SEMA3A: variants seen among roughly 807,000 people sequenced by gnomAD.
SEMA3A encodes the protein semaphorin 3A.
SEMA3A carries 29 observed loss-of-function variants against 97.9 expected under a neutral mutation model. The ratio of observed to expected loss-of-function variants is 0.30; its 90% CI spans 0.22 to 0.40. The LOEUF is 0.40. SEMA3A is among the 10% of genes least tolerant of loss of function. The pLI, the probability that SEMA3A is intolerant of heterozygous loss-of-function variation, is 1.00. For synonymous variants in SEMA3A, 321 were observed against 323.7 expected, an observed-to-expected ratio of 0.99 and a Z score of 0.09; for missense variants, 763 against 951.3, an observed-to-expected ratio of 0.80 and a Z score of 2.60.
intron 5 of SEMA3A, among the ~76,000 whole-genome samples, chr7:84,056,626 C>T (rs1375022387): frequency 6.6e-6 from 1 of 151,808 alleles, no homozygotes; most frequent in Non-Finnish European, 1.5e-5. Context: ...CACAGAAACA[C>T]ACACACACAC....
At chr7:84,062,170 T>C (rs1045600595) in intron 4 of SEMA3A, among the ~76,000 whole-genome samples, 2 of 152,208 alleles carry the variant, frequency 1.3e-5, no homozygotes, top group Non-Finnish European at 2.9e-5. Flanking sequence ...AGCAAAATAA[T>C]ATGGAAATTA....
At chr7:84,286,432 T>G (rs945406015) in intron 3 of SEMA3A, among the ~76,000 whole-genome samples, 2 of 152,196 alleles carry the variant, frequency 1.3e-5, no homozygotes, top group Non-Finnish European at 2.9e-5. Context: ...CAATGTTGTA[T>G]CTAAAATAGT....
In SEMA3A at chr7:84,267,412, C is replaced by T. The variant is rs553142519; in HGVS notation, c.-83+39795G>A. Reference sequence around the variant, plus strand: ...TAAAACATGTTAAAAATTCCCAGAACGTATTACTTTTGCCTGACAATAAGT... The same window carrying T: ...TAAAACATGTTAAAAATTCCCAGAATGTATTACTTTTGCCTGACAATAAGT... On this transcript the variant is annotated intron_variant, in intron 3 of 3. Coordinates refer to the SEMA3A transcript ENST00000424555. 3.3e-5 allele frequency among the ~76,000 whole-genome samples: 5 copies of T among 152,116 alleles called. No homozygotes were observed. The South Asian group carries it at 1.0e-3, about 32-fold the overall frequency.
At chr7:83,972,907 A>G (rs71557198) in intron 15 of SEMA3A, among the ~76,000 whole-genome samples, 24,507 of 152,096 alleles carry the variant, frequency 0.16, 2,247 homozygotes, top group Non-Finnish European at 0.21. Flanking sequence ...CATGATGACT[A>G]TCTCCAGTGA....
At chr7:84,108,507 C>T (rs999116360) in intron 4 of SEMA3A, among the ~76,000 whole-genome samples, 3 of 152,054 alleles carry the variant, frequency 2.0e-5, no homozygotes, top group Non-Finnish European at 2.9e-5. Context: ...GTCTGAGAGA[C>T]GTTAAATAAT....
At chr7:84,424,612 A>ATT (rs1554383750) in intron 1 of SEMA3A, among the ~76,000 whole-genome samples, 9 of 29,612 alleles carry the variant, frequency 3.0e-4, no homozygotes, top group Non-Finnish European at 4.8e-4. Flanking sequence ...ATTAATATAT[A>ATT]ATATAATATA....
intron 2 of SEMA3A, among the ~76,000 whole-genome samples, chr7:84,310,388 C>T (rs1045069619): frequency 6.6e-6 from 1 of 151,498 alleles, no homozygotes; most frequent in Non-Finnish European, 1.5e-5. Context: ...TTTATTCACA[C>T]CATATAATTT....
intron 2 of SEMA3A, among the ~76,000 whole-genome samples, chr7:84,345,448 T>A (rs1016792390): frequency 6.6e-6 from 1 of 152,172 alleles, no homozygotes; most frequent in Non-Finnish European, 1.5e-5. Context: ...AATTTCTCTG[T>A]ACCATGCAAA....
chr7:84,424,576 AT>A (rs1562942629), intron 1 of SEMA3A, among the ~76,000 whole-genome samples: 2 of 73,584 alleles, frequency 2.7e-5, no homozygotes, highest in Non-Finnish European at 4.1e-5. Flanking sequence ...ATAAATATTA[AT>A]ATATATTATA....
At chr7:84,028,750 G>A (rs752507589) in intron 6 of SEMA3A, among the ~76,000 whole-genome samples, 14 of 152,150 alleles carry the variant, frequency 9.2e-5, no homozygotes, top group African/African-American at 1.4e-4. Context: ...GACTACAGGC[G>A]TGTGCCACCA....
intron 1 of SEMA3A, among the ~76,000 whole-genome samples, chr7:84,398,994 T>C (rs1189464104): frequency 6.6e-6 from 1 of 151,842 alleles, no homozygotes; most frequent in Non-Finnish European, 1.5e-5. Flanking sequence ...GAGAACAGAG[T>C]ACCTGGTCTT....
intron 1 of SEMA3A, among the ~76,000 whole-genome samples, chr7:84,192,856 G>C (rs1327577411): frequency 6.6e-6 from 1 of 151,832 alleles, no homozygotes; most frequent in African/African-American, 2.4e-5. Context: ...TCACATCTTT[G>C]AGAACTAAAG....
At chr7:84,343,514 A>G (rs893155997) in intron 2 of SEMA3A, among the ~76,000 whole-genome samples, 2 of 152,224 alleles carry the variant, frequency 1.3e-5, no homozygotes, top group African/African-American at 4.8e-5. Context: ...GCCAGTTTCT[A>G]AAACTAAATA....
intron 4 of SEMA3A, among the ~76,000 whole-genome samples, chr7:84,070,612 T>C (rs2115750885): frequency 6.6e-6 from 1 of 152,298 alleles, no homozygotes; most frequent in East Asian, 1.9e-4. Context: ...AACTAATAGT[T>C]GGACGGTATT....
At chr7:84,133,576 C>A (rs572290347) in intron 2 of SEMA3A, among the ~76,000 whole-genome samples, 43 of 152,106 alleles carry the variant, frequency 2.8e-4, no homozygotes, top group African/African-American at 1.0e-3. Context: ...GGGATGTATT[C>A]CAAAATGAAA....
rs372534143 is a variant in SEMA3A at position 84,001,956 on chromosome 7, C to T, written c.1451G>A (p.Arg484Gln). Reference protein sequence around the residue: ...EVLLEEMTVFREPTAISAMEL... With the variant: ...EVLLEEMTVFQEPTAISAMEL... ...CACTTGAAATTAAGCAGCACTCACCCGAAAAACTGTCATTTCTTCCAGCAG... is the reference window on the plus strand; with the variant it reads ...CACTTGAAATTAAGCAGCACTCACCTGAAAAACTGTCATTTCTTCCAGCAG... Residue 484 changes from arginine (R) to glutamine (Q), a missense_variant and splice_region_variant, in exon 12 of 17, where the codon CGG (arginine) becomes CAG (glutamine). Arg to Gln is a conservative substitution (Grantham distance 43). Coordinates refer to ENST00000265362, the MANE Select transcript of SEMA3A (RefSeq NM_006080.3). 20 of 1,607,948 alleles carry T rather than the reference C, an allele frequency of 1.2e-5. No individual in the cohort carries two copies. The highest frequency in any genetic ancestry group is 8.0e-5 in the African/African-American group (6 of 74,832).
chr7:84,483,278 A>T (rs1806491816), intron 1 of SEMA3A, among the ~76,000 whole-genome samples: 1 of 152,180 alleles, frequency 6.6e-6, no homozygotes, highest in Non-Finnish European at 1.5e-5. Flanking sequence ...TAAAAATTAG[A>T]ATGTCAACCA....
intron 1 of SEMA3A, among the ~76,000 whole-genome samples, chr7:84,398,804 T>C (rs948007530): frequency 6.6e-6 from 1 of 151,738 alleles, no homozygotes; most frequent in Admixed American, 6.6e-5. Flanking sequence ...TGAGACTGTT[T>C]CTTAAAAAAA....
At chr7:84,404,694 T>G (rs890112236) in intron 1 of SEMA3A, among the ~76,000 whole-genome samples, 1 of 152,206 alleles carries the variant, frequency 6.6e-6, no homozygotes, top group African/African-American at 2.4e-5. Flanking sequence ...ACAGCTGATC[T>G]CTTGGCAGAA....
Sources: gnomAD v4.1 joint callset for allele counts (sites outside exome capture counted in the v4.1 genomes callset) on GRCh38, gnomAD v4.1.1 for gene constraint, MANE v1.5 for transcripts, NCBI Gene and HGNC (gene_info 2026-07-23, HGNC 2026-07-21) for gene names.